CCSER1: variants seen among roughly 807,000 people sequenced by gnomAD.
The protein encoded by CCSER1 is serine-rich coiled-coil domain-containing protein 1.
In CCSER1, 41 loss-of-function variants were observed where a neutral mutation model predicts 82.0. The observed-to-expected ratio is 0.50, with a 90% CI of 0.39 to 0.65. CCSER1 has a LOEUF of 0.65. CCSER1 is among the 30% of genes least tolerant of loss of function. CCSER1 has a pLI of 0.00. For synonymous variants in CCSER1, 414 were observed against 383.9 expected (o/e 1.08, Z -0.92); for missense variants, 1,119 against 1,064.2 (o/e 1.05, Z -0.72).
intron 5 of CCSER1, among the ~76,000 whole-genome samples, chr4:90,626,873 G>A (rs1003522405): frequency 6.6e-6 from 1 of 152,134 alleles, no homozygotes; most frequent in Non-Finnish European, 1.5e-5. Flanking sequence ...TTATATGCAT[G>A]CACATTATGT....
intron 9 of CCSER1, among the ~76,000 whole-genome samples, chr4:91,032,374 CT>C (rs1291714372): frequency 1.3e-5 from 2 of 152,054 alleles, no homozygotes; most frequent in African/African-American, 4.8e-5. Context: ...CAATAGCATT[CT>C]AGTAGTCTAG....
chr4:90,304,821 T>A (rs1733935822), intron 1 of CCSER1, among the ~76,000 whole-genome samples: 2 of 151,850 alleles, frequency 1.3e-5, no homozygotes, highest in African/African-American at 2.4e-5. Context: ...TAAAAAAAAA[T>A]AAAATTGTTT....
At chr4:90,899,454 C>A (rs1169711608) in intron 8 of CCSER1, among the ~76,000 whole-genome samples, 1 of 151,958 alleles carries the variant, frequency 6.6e-6, no homozygotes, top group Non-Finnish European at 1.5e-5. Flanking sequence ...GTTTTGCTTG[C>A]CTGATTGCTC....
At chr4:91,028,258 G>C (rs1740666799) in intron 9 of CCSER1, among the ~76,000 whole-genome samples, 1 of 151,874 alleles carries the variant, frequency 6.6e-6, no homozygotes, top group Non-Finnish European at 1.5e-5. Context: ...ATACTTATCA[G>C]AATGGAGTGC....
intron 6 of CCSER1, among the ~76,000 whole-genome samples, chr4:90,688,813 A>AT (rs1254053472): frequency 1.3e-5 from 2 of 152,184 alleles, no homozygotes; most frequent in Non-Finnish European, 2.9e-5. Flanking sequence ...TAATATTACC[A>AT]TTTGAAAAAT....
chr4:91,529,571 G>A (rs1010406066), intron 10 of CCSER1, among the ~76,000 whole-genome samples: 7 of 152,018 alleles, frequency 4.6e-5, no homozygotes, highest in African/African-American at 1.4e-4. Context: ...ATGAGAAAAC[G>A]TGGTCATTAT....
At chr4:91,514,691 G>T (rs1239388307) in intron 10 of CCSER1, among the ~76,000 whole-genome samples, 1 of 152,048 alleles carries the variant, frequency 6.6e-6, no homozygotes, top group East Asian at 1.9e-4. Flanking sequence ...ACAATGTGCA[G>T]GGTGAGTCAG....
intron 4 of CCSER1, among the ~76,000 whole-genome samples, chr4:90,421,157 T>G (rs1362984027): frequency 1.3e-5 from 2 of 152,188 alleles, no homozygotes; most frequent in African/African-American, 2.4e-5. Flanking sequence ...ATAATGAAGA[T>G]TCACACAATT....
intron 9 of CCSER1, among the ~76,000 whole-genome samples, chr4:90,998,143 C>T (rs754436843): frequency 1.3e-4 from 20 of 151,980 alleles, no homozygotes; most frequent in Non-Finnish European, 4.4e-5. Context: ...TGCAATGGCG[C>T]GATCTTGGCT....
At chr4:90,515,555 A>T (rs998467350) in intron 5 of CCSER1, among the ~76,000 whole-genome samples, 1 of 152,018 alleles carries the variant, frequency 6.6e-6, no homozygotes, top group Admixed American at 6.6e-5. Context: ...TTTAGTTTTG[A>T]TTGTGTCTTC....
intron 10 of CCSER1, among the ~76,000 whole-genome samples, chr4:91,416,290 A>T (rs1050092180): frequency 1.3e-5 from 2 of 152,190 alleles, no homozygotes; most frequent in Non-Finnish European, 1.5e-5. Flanking sequence ...ACGAATTTAT[A>T]CATTCAATGC....
At chr4:91,548,869 C>G (rs1470550496) in intron 10 of CCSER1, among the ~76,000 whole-genome samples, 2 of 151,952 alleles carry the variant, frequency 1.3e-5, no homozygotes, top group African/African-American at 4.8e-5. Flanking sequence ...GCTTGGTATT[C>G]TCTAAGATTC....
chr4:91,586,243 TA>T (rs1421930288), intron 10 of CCSER1, among the ~76,000 whole-genome samples: 2 of 151,680 alleles, frequency 1.3e-5, no homozygotes, highest in Non-Finnish European at 3.0e-5. Context: ...AAGATTGAGA[TA>T]CCAGTAAAAA....
chr4:90,734,954 T>C (rs1203366161), intron 7 of CCSER1, among the ~76,000 whole-genome samples: 1 of 152,218 alleles, frequency 6.6e-6, no homozygotes, highest in African/African-American at 2.4e-5. Flanking sequence ...TGTGGGTCTG[T>C]CATATATGGC....
chr4:91,391,511 G>A (rs1005527227), intron 10 of CCSER1, among the ~76,000 whole-genome samples: 1 of 152,030 alleles, frequency 6.6e-6, no homozygotes, highest in African/African-American at 2.4e-5. Flanking sequence ...ATGTTGCCCA[G>A]GCTGGTCTTG....
chr4:90,571,480 A>G (rs1560739440), intron 5 of CCSER1, among the ~76,000 whole-genome samples: 2 of 152,204 alleles, frequency 1.3e-5, no homozygotes, highest in Non-Finnish European at 2.9e-5. Flanking sequence ...TATCCTAAGA[A>G]GATTAATGCA....
chr4:91,157,205 G>A (rs1041506141), intron 10 of CCSER1, among the ~76,000 whole-genome samples: 21 of 151,916 alleles, frequency 1.4e-4, no homozygotes, highest in Non-Finnish European at 2.9e-4. Flanking sequence ...TCTTTCAGCA[G>A]CCAAAACTTA....
chr4:91,305,318 A>C (rs151119407), intron 10 of CCSER1, among the ~76,000 whole-genome samples: 1 of 152,102 alleles, frequency 6.6e-6, no homozygotes, highest in Non-Finnish European at 1.5e-5. Flanking sequence ...TAAAATGACT[A>C]TAACAGTAAA....
chr4:91,549,834 C>A (rs1427376470), intron 10 of CCSER1, among the ~76,000 whole-genome samples: 2 of 151,770 alleles, frequency 1.3e-5, no homozygotes, highest in Non-Finnish European at 2.9e-5. Context: ...GACCCTGTCT[C>A]AAAAAAATAA....
Sources: allele counts gnomAD v4.1 joint callset (sites outside exome capture counted in the v4.1 genomes callset), GRCh38; gene constraint gnomAD v4.1.1; transcripts MANE v1.5; gene names NCBI Gene and HGNC (gene_info 2026-07-23, HGNC 2026-07-21).